Variants in ATXN7L1 observed in about 807,000 individuals in gnomAD.
ATXN7L1 encodes ataxin-7-like protein 1.
ATXN7L1 carries 15 observed loss-of-function variants against 70.8 expected under a neutral mutation model. That is an observed-to-expected ratio of 0.21 (90% CI 0.14 to 0.33). The LOEUF (loss-of-function observed/expected upper bound fraction) is 0.33. Among genes scored for constraint, ATXN7L1 ranks in the 10% least tolerant of loss-of-function variants. ATXN7L1 has a pLI of 1.00. For synonymous variants in ATXN7L1, 440 were observed against 445.1 expected (o/e 0.99, Z 0.14); for missense variants, 975 against 1,097.1 (o/e 0.89, Z 1.57).
intron 3 of ATXN7L1, among the ~76,000 whole-genome samples, chr7:105,753,156 G>C (rs1028440419): frequency 3.3e-5 from 5 of 152,216 alleles, no homozygotes; most frequent in African/African-American, 7.2e-5. Context: ...TCTTTCTCAA[G>C]GACGGCTGAA....
intron 2 of ATXN7L1, among the ~76,000 whole-genome samples, chr7:105,803,654 G>A (rs1807149094): frequency 6.6e-6 from 1 of 152,182 alleles, no homozygotes; most frequent in Non-Finnish European, 1.5e-5. Context: ...GTTCCAGCCA[G>A]CCTGACTGAA....
rs547387927 is a variant in ATXN7L1, at chr7:105,793,152, T to C, written c.251-4444A>G. 5.3e-4 allele frequency among the ~76,000 whole-genome samples: 80 copies of C among 152,352 alleles called. 3 individuals carry two copies. In the South Asian group the frequency reaches 0.013, roughly 25 times the overall value. Reference sequence around the variant, plus strand: ...CCATTTCACAGATAAGAAAACCAGTTTGGAAGGGCTTCCTGGATGACTAAC... The same window carrying C: ...CCATTTCACAGATAAGAAAACCAGTCTGGAAGGGCTTCCTGGATGACTAAC... On this transcript the variant is annotated intron_variant, in intron 2 of 11. Transcript: ENST00000419735.
At chr7:105,757,790 A>G (rs1353939471) in intron 3 of ATXN7L1, among the ~76,000 whole-genome samples, 1 of 149,468 alleles carries the variant, frequency 6.7e-6, no homozygotes, top group Non-Finnish European at 1.5e-5. Flanking sequence ...GGGTCTCATT[A>G]TATTGCCCAG....
intron 3 of ATXN7L1, among the ~76,000 whole-genome samples, chr7:105,676,748 G>A (rs960695862): frequency 2.0e-5 from 3 of 152,114 alleles, no homozygotes; most frequent in African/African-American, 7.2e-5. Context: ...GCCGAGGCAG[G>A]AGAATCGCTT....
chr7:105,668,006 T>G (rs1802920451), intron 3 of ATXN7L1, among the ~76,000 whole-genome samples: 1 of 152,196 alleles, frequency 6.6e-6, no homozygotes, highest in African/African-American at 2.4e-5. Context: ...GGGTGTGGGA[T>G]GTACAGAAAT....
At position 105,674,180 on chromosome 7, in the gene ATXN7L1, T is replaced by C. The variant is rs866987324; in HGVS notation, c.356-8892A>G. Among the ~76,000 whole-genome samples the C allele has an allele frequency of 2.2e-4, 33 of 152,336 alleles. 1 individual carries two copies. The highest frequency in any genetic ancestry group is 6.8e-3 in the Middle Eastern group (2 of 294). On this transcript the variant is annotated intron_variant, in intron 3 of 11. Transcript: ENST00000419735. ...ACCCACTGCTGGGCAACATGACCTA[T>C]CTTGGGCACTAAGTTCTTTTGACAA...
At chr7:105,610,799 C>T (rs1681883104) in intron 10 of ATXN7L1, among the ~76,000 whole-genome samples, 196 bp from the exon 11 acceptor site, 1 of 152,240 alleles carries the variant, frequency 6.6e-6, no homozygotes, top group Admixed American at 6.5e-5. Flanking sequence ...GGGATGCCCT[C>T]TCCTTCCCAG....
intron 3 of ATXN7L1, among the ~76,000 whole-genome samples, chr7:105,713,915 C>T (rs898789685): frequency 5.3e-5 from 8 of 152,230 alleles, no homozygotes; most frequent in Non-Finnish European, 1.2e-4. Flanking sequence ...TCTCAGACGA[C>T]CCAGGGATTT....
At chr7:105,609,475 AT>A (rs1294778888) in intron 11 of ATXN7L1, among the ~76,000 whole-genome samples, 4 of 137,180 alleles carry the variant, frequency 2.9e-5, no homozygotes, top group Non-Finnish European at 6.2e-5. Context: ...CCTAAAAAAA[AT>A]TTTTTTTGAG....
chr7:105,805,755 G>A (rs536663982), intron 2 of ATXN7L1, among the ~76,000 whole-genome samples: 3 of 152,256 alleles, frequency 2.0e-5, no homozygotes, highest in East Asian at 1.9e-4. Context: ...GGGGCAGCCC[G>A]GGTCGTGGGA....
chr7:105,733,634 C>T (rs1489445968), intron 3 of ATXN7L1, among the ~76,000 whole-genome samples: 1 of 84,482 alleles, frequency 1.2e-5, no homozygotes. Context: ...ATCCATCCAC[C>T]CATCCATCCA....
At chr7:105,748,401 C>T (rs1798825499) in intron 3 of ATXN7L1, among the ~76,000 whole-genome samples, 1 of 152,166 alleles carries the variant, frequency 6.6e-6, no homozygotes, top group Non-Finnish European at 1.5e-5. Flanking sequence ...AGTTGCTCTA[C>T]TGCAATAAAG....
intron 7 of ATXN7L1, among the ~76,000 whole-genome samples, chr7:105,624,664 A>AAAC (rs1554393858): frequency 6.6e-6 from 1 of 151,586 alleles, no homozygotes; most frequent in African/African-American, 2.4e-5. Context: ...AAAAAAAAAA[A>AAAC]AACAGCCTGA....
At chr7:105,782,343 T>C (rs1803652980) in intron 3 of ATXN7L1, among the ~76,000 whole-genome samples, 1 of 152,222 alleles carries the variant, frequency 6.6e-6, no homozygotes, top group Non-Finnish European at 1.5e-5. Context: ...TCCATTCACC[T>C]AAGGGACTTT....
chr7:105,643,661 G>A (rs754227735), intron 4 of ATXN7L1, among the ~76,000 whole-genome samples: 7 of 152,246 alleles, frequency 4.6e-5, no homozygotes, highest in African/African-American at 7.2e-5. Flanking sequence ...GCGTGCTGTC[G>A]GACGGCTTCT....
At chr7:105,834,091 G>A (rs1585112404) in intron 2 of ATXN7L1, among the ~76,000 whole-genome samples, 1 of 152,192 alleles carries the variant, frequency 6.6e-6, no homozygotes, top group African/African-American at 2.4e-5. Flanking sequence ...TGCCCAGGCT[G>A]GAGTGCAGTG....
intron 3 of ATXN7L1, chr7:105,761,312 T>A: frequency 1.2e-6 from 2 of 1,608,458 alleles, no homozygotes; most frequent in Admixed American, 3.4e-5. Flanking sequence ...CAGGAAGCCG[T>A]CTCCAGACAA....
chr7:105,765,056 C>T (rs751713838), intron 3 of ATXN7L1, among the ~76,000 whole-genome samples: 16 of 152,162 alleles, frequency 1.1e-4, no homozygotes, highest in South Asian at 4.1e-4. Context: ...AAGTCTAGGC[C>T]GGGCGTGGTG....
At chr7:105,619,517 T>A (rs1794535548) in intron 9 of ATXN7L1, among the ~76,000 whole-genome samples, 1 of 16,896 alleles carries the variant, frequency 5.9e-5, no homozygotes, top group African/African-American at 2.6e-4. Flanking sequence ...TATATATATA[T>A]ATATATATAT....
Sources: allele counts gnomAD v4.1 joint callset (sites outside exome capture counted in the v4.1 genomes callset), GRCh38; gene constraint gnomAD v4.1.1; transcripts MANE v1.5; gene names NCBI Gene and HGNC (gene_info 2026-07-23, HGNC 2026-07-21).